Variants in AKR1C3 observed in about 807,000 individuals in gnomAD.
The protein encoded by AKR1C3 is aldo-keto reductase family 1 member C3.
A neutral mutation model predicts 43.6 loss-of-function variants in AKR1C3; 48 were observed. The ratio of observed to expected loss-of-function variants is 1.10; its 90% CI spans 0.87 to 1.40. AKR1C3 has a LOEUF of 1.40. Ranked by LOEUF, AKR1C3 falls within the 40% of genes most tolerant of loss-of-function variation. AKR1C3 has a pLI of 0.00. For synonymous variants in AKR1C3, 162 were observed against 139.6 expected, an observed-to-expected ratio of 1.16 and a Z score of -1.13; for missense variants, 482 against 391.2, an observed-to-expected ratio of 1.23 and a Z score of -1.96.
At chr10:5,064,442 C>T (rs1838452210) in intron 1 of AKR1C3, among the ~76,000 whole-genome samples, 1 of 152,060 alleles carries the variant, frequency 6.6e-6, no homozygotes, top group Non-Finnish European at 1.5e-5. Context: ...TGAAGATATC[C>T]CAGGAAATAC....
chr10:5,102,892 C>G (rs7089963), intron 7 of AKR1C3, among the ~76,000 whole-genome samples: 7 of 151,890 alleles, frequency 4.6e-5, no homozygotes, highest in African/African-American at 1.7e-4. Flanking sequence ...TGACAATCTA[C>G]TCTGCATCCC....
At chr10:5,105,526 A>ACTGTCTAATAT in intron 7 of AKR1C3, 69 bp from the exon 8 acceptor site, 1 of 1,167,198 alleles carries the variant, frequency 8.6e-7, no homozygotes. Flanking sequence ...TCTGCACCCT[A>ACTGTCTAATAT]CTGTCTAATA....
upstream of AKR1C3, among the ~76,000 whole-genome samples, chr10:5,091,559 T>A (rs1018336946): frequency 2.0e-5 from 3 of 152,170 alleles, no homozygotes; most frequent in South Asian, 6.2e-4. Flanking sequence ...AATATTTGTA[T>A]TCCTTTCTCA....
intron 1 of AKR1C3, among the ~76,000 whole-genome samples, chr10:5,063,114 A>G (rs1838416352): frequency 6.6e-6 from 1 of 152,190 alleles, no homozygotes; most frequent in African/African-American, 2.4e-5. Flanking sequence ...GAAAACATGT[A>G]TTTTTGAAAT....
intron 7 of AKR1C3, among the ~76,000 whole-genome samples, chr10:5,103,698 T>C (rs893179411): frequency 2.0e-5 from 3 of 152,316 alleles, no homozygotes; most frequent in Admixed American, 2.0e-4. Context: ...AGTGGACACA[T>C]GCAAAGCCTT....
At chr10:5,094,349 T>C (rs1449108875), upstream of AKR1C3, 2 of 942,014 alleles carry the variant, frequency 2.1e-6, no homozygotes, top group African/African-American at 3.8e-5. Flanking sequence ...ATCAGTCAGT[T>C]TGCAGGGGTG....
chr10:5,075,532 C>T (rs1838699255), intron 1 of AKR1C3, among the ~76,000 whole-genome samples: 1 of 151,998 alleles, frequency 6.6e-6, no homozygotes, highest in Non-Finnish European at 1.5e-5. Flanking sequence ...GACACTTATT[C>T]TCAATCAGAG....
At chr10:5,097,643 A>C in intron 3 of AKR1C3, 93 bp downstream of exon 3, 1 of 1,598,674 alleles carries the variant, frequency 6.3e-7, no homozygotes, top group Non-Finnish European at 8.5e-7. Flanking sequence ...TATTAGGAGG[A>C]TGTAGGGATT....
At chr10:5,070,343 A>G (rs1838592569) in intron 1 of AKR1C3, among the ~76,000 whole-genome samples, 1 of 152,208 alleles carries the variant, frequency 6.6e-6, no homozygotes, top group African/African-American at 2.4e-5. Flanking sequence ...ATGCACAAAA[A>G]AGCAAAGAAA....
rs71391987 is a variant in AKR1C3, at chr10:5,063,765, C to CA, written c.84+14894dup. Among the ~76,000 whole-genome samples, 108 of 46,400 alleles carry CA rather than the reference C, an allele frequency of 2.3e-3. 4 individuals carry two copies. Among genetic ancestry groups the CA allele is most frequent in the Middle Eastern group, 0.022 (1 of 46 alleles). The allele number at this position is 46,400 out of a possible 152,430, so 30.4% of individuals were successfully genotyped here. A position where few individuals can be genotyped will look rare whatever the true frequency, so the allele number is the denominator to read the frequency against. On this transcript the variant is annotated intron_variant, in intron 1 of 8. Transcript: ENST00000439082. ...AGGACAGAGGTAGTCTCTGTCTCAG[C>CA]AAAAAAAAAAAAAAAAAAAAAAAAG...
At position 5,107,656 on chromosome 10, in the gene AKR1C3, A is replaced by C; in HGVS notation, c.*153A>C. On this transcript the variant is annotated 3_prime_UTR_variant, in exon 9 of 9. Transcript: ENST00000380554. ...ACTACAGCTGAGTCCATAGGCCAGA[A>C]AGACAATAAATTTTTATCATTTTGA... The C allele has an allele frequency of 3.4e-6, 2 of 580,926 alleles. No homozygotes were observed. Among genetic ancestry groups the C allele is most frequent in the South Asian group, 2.3e-5 (1 of 43,578 alleles). 36.0% of individuals were successfully genotyped at this position (580,926 alleles called of 1,614,324 possible).
intron 1 of AKR1C3, among the ~76,000 whole-genome samples, chr10:5,072,549 G>A (rs1554781420): frequency 6.6e-6 from 1 of 152,188 alleles, no homozygotes; most frequent in African/African-American, 2.4e-5. Context: ...CAACCTGCCA[G>A]TGTTGTGTTA....
intron 1 of AKR1C3, chr10:5,078,027 TATG>T: frequency 1.5e-6 from 1 of 667,438 alleles, no homozygotes; most frequent in Non-Finnish European, 2.7e-6. Context: ...GAGCTGAAAA[TATG>T]ATTACTATAT....
intron 1 of AKR1C3, among the ~76,000 whole-genome samples, chr10:5,063,753 T>A (rs1838428161): frequency 2.9e-5 from 1 of 34,790 alleles, no homozygotes. Flanking sequence ...ACAGAGGTAG[T>A]CTCTGTCTCA....
chr10:5,053,344 G>A (rs1342390612), intron 1 of AKR1C3, among the ~76,000 whole-genome samples: 1 of 152,238 alleles, frequency 6.6e-6, no homozygotes, highest in Non-Finnish European at 1.5e-5. Context: ...TGCTGGCCCA[G>A]GTGCTAAGCC....
upstream of AKR1C3, among the ~76,000 whole-genome samples, chr10:5,090,227 T>C (rs1554783968): frequency 6.6e-6 from 1 of 151,958 alleles, no homozygotes; most frequent in African/African-American, 2.4e-5. Context: ...AGAGCTGGAG[T>C]AGCTTAATTA....
At chr10:5,098,299 G>A (rs1004328306) in intron 3 of AKR1C3, 22 of 627,754 alleles carry the variant, frequency 3.5e-5, no homozygotes, top group South Asian at 1.4e-4. Flanking sequence ...CATTGGTGGC[G>A]ATTATGGCTT....
chr10:5,078,092 G>A (rs1838753060), intron 1 of AKR1C3: 2 of 595,518 alleles, frequency 3.4e-6, no homozygotes, highest in Admixed American at 3.2e-5. Flanking sequence ...AAGGAATGAT[G>A]TCTTTTGTTT....
intron 1 of AKR1C3, among the ~76,000 whole-genome samples, chr10:5,067,929 G>A (rs1838543227): frequency 6.6e-6 from 1 of 152,124 alleles, no homozygotes; most frequent in South Asian, 2.1e-4. Context: ...ATATCCTCTT[G>A]AATACCAGTT....
Sources: allele counts gnomAD v4.1 joint callset (sites outside exome capture counted in the v4.1 genomes callset), GRCh38; gene constraint gnomAD v4.1.1; transcripts MANE v1.5; gene names NCBI Gene and HGNC (gene_info 2026-07-23, HGNC 2026-07-21).